PIK3R3: variants seen among roughly 807,000 people sequenced by gnomAD.
PIK3R3 encodes the protein phosphatidylinositol 3-kinase regulatory subunit gamma.
PIK3R3 carries 64 observed loss-of-function variants against 62.9 expected under a neutral mutation model. The ratio of observed to expected loss-of-function variants is 1.02; its 90% confidence interval spans 0.83 to 1.25. The LOEUF is 1.25. PIK3R3 is among the 50% of genes most tolerant of loss of function. The pLI is 0.00. For synonymous variants in PIK3R3, 165 were observed against 189.0 expected (o/e 0.87, Z 1.04); for missense variants, 614 against 561.6 (o/e 1.09, Z -0.94).
At position 46,066,193 on chromosome 1, in the gene PIK3R3, G is replaced by A. The variant is rs372592067; in HGVS notation, c.496-14C>T. 6 of 1,514,946 alleles carry A rather than the reference G, an allele frequency of 4.0e-6. No individual in the cohort carries two copies. In the Admixed American group the frequency reaches 5.8e-5, roughly 15 times the overall value. The allele number at this position is 1,514,946 out of a possible 1,614,324, so 93.8% of individuals were successfully genotyped here. On this transcript the variant is annotated splice_polypyrimidine_tract_variant and intron_variant, in intron 4 of 9. Transcript: ENST00000262741. ...TACCAACTGATCCTATACAGGTAAA[G>A]AAAAAAATAAAGAATGTTAACAATT...
At chr1:46,043,986 A>C in intron 9 of PIK3R3, 115 bp from the exon 10 acceptor site, 1 of 912,532 alleles carries the variant, frequency 1.1e-6, no homozygotes. Context: ...TTTGTTAACC[A>C]GGCAAAGCTT....
chr1:46,088,667 G>A (rs917371683), intron 1 of PIK3R3, among the ~76,000 whole-genome samples: 2 of 152,072 alleles, frequency 1.3e-5, no homozygotes, highest in African/African-American at 4.8e-5. Context: ...AGAAGATCCA[G>A]CATCAAACTA....
intron 8 of PIK3R3, 135 bp downstream of exon 8, chr1:46,046,416 T>C (rs1287413681): frequency 1.5e-6 from 1 of 684,822 alleles, no homozygotes; most frequent in Non-Finnish European, 2.5e-6. Flanking sequence ...GGCAATTCAA[T>C]TCAAAAGATA....
chr1:46,160,174 A>G, the PIK3R3 span, among the ~76,000 whole-genome samples: 1 of 152,214 alleles, frequency 6.6e-6, no homozygotes, highest in Non-Finnish European at 1.5e-5. Flanking sequence ...ATGAGAAAAC[A>G]AAAACCAAAA....
intron 5 of PIK3R3, among the ~76,000 whole-genome samples, chr1:46,065,631 C>A (rs537591322): frequency 6.6e-6 from 1 of 152,296 alleles, no homozygotes; most frequent in East Asian, 1.9e-4. Flanking sequence ...AGATAGAGAA[C>A]CTTCCTTTCT....
intron 6 of PIK3R3, chr1:46,057,119 T>C (rs1647996406): frequency 6.6e-6 from 1 of 152,314 alleles, no homozygotes. Flanking sequence ...CATACTGTTC[T>C]CGTGGTAGTG....
the PIK3R3 span, among the ~76,000 whole-genome samples, chr1:46,167,967 C>T: frequency 4.6e-5 from 7 of 152,062 alleles, no homozygotes; most frequent in Non-Finnish European, 1.0e-4. Flanking sequence ...ACCAGCCTGG[C>T]CAACATGGTG....
chr1:46,104,589 A>G (rs1653008263), intron 1 of PIK3R3, among the ~76,000 whole-genome samples: 1 of 152,174 alleles, frequency 6.6e-6, no homozygotes, highest in Admixed American at 6.6e-5. Flanking sequence ...CAGCAGTTGC[A>G]TTACCACAGT....
At chr1:46,137,121 A>G (rs954089472), upstream of PIK3R3, among the ~76,000 whole-genome samples, 5 of 152,186 alleles carry the variant, frequency 3.3e-5, no homozygotes, top group Non-Finnish European at 7.3e-5. Context: ...CACTAGTAGC[A>G]GAGTCAGGAT....
At chr1:46,076,300 T>C (rs997816810) in intron 3 of PIK3R3, among the ~76,000 whole-genome samples, 16 of 152,198 alleles carry the variant, frequency 1.1e-4, no homozygotes, top group African/African-American at 3.6e-4. Flanking sequence ...ACTTAAAATT[T>C]AGATATTGAG....
chr1:46,091,229 C>A (rs1344060164), intron 1 of PIK3R3, among the ~76,000 whole-genome samples: 1 of 151,520 alleles, frequency 6.6e-6, no homozygotes, highest in East Asian at 1.9e-4. Flanking sequence ...CAACCTCCAC[C>A]TCCCGGATTC....
chr1:46,147,765 G>C, the PIK3R3 span, among the ~76,000 whole-genome samples: 1 of 152,048 alleles, frequency 6.6e-6, no homozygotes, highest in Admixed American at 6.6e-5. Flanking sequence ...CTCACTATCA[G>C]ACAGATTTGT....
intron 6 of PIK3R3, among the ~76,000 whole-genome samples, chr1:46,058,531 C>G (rs557618534): frequency 7.1e-4 from 108 of 152,376 alleles, no homozygotes; most frequent in African/African-American, 2.6e-3. Context: ...AGGGGCGGAG[C>G]TGCCCCAGAC....
intron 1 of PIK3R3, among the ~76,000 whole-genome samples, chr1:46,129,369 G>A (rs1188758852): frequency 6.6e-6 from 1 of 151,522 alleles, no homozygotes; most frequent in African/African-American, 2.4e-5. Flanking sequence ...AAAATTAGAG[G>A]GACTTATATG....
At chr1:46,075,564 G>T (rs1424539633) in intron 3 of PIK3R3, among the ~76,000 whole-genome samples, 1 of 152,044 alleles carries the variant, frequency 6.6e-6, no homozygotes, top group Non-Finnish European at 1.5e-5. Flanking sequence ...TAAGGTTGCA[G>T]TGAGCCATGA....
At chr1:46,058,826 T>C (rs563949800) in intron 6 of PIK3R3, among the ~76,000 whole-genome samples, 3 of 152,330 alleles carry the variant, frequency 2.0e-5, no homozygotes, top group African/African-American at 7.2e-5. Context: ...TGTGGACTTT[T>C]GAGTTAATGC....
At chr1:46,170,417 G>A in the PIK3R3 span, among the ~76,000 whole-genome samples, 2 of 152,034 alleles carry the variant, frequency 1.3e-5, no homozygotes, top group South Asian at 2.1e-4. Context: ...TTTGGTGTTT[G>A]TTTGTTTGTT....
At chr1:46,103,844 T>C (rs1253096084) in intron 1 of PIK3R3, among the ~76,000 whole-genome samples, 1 of 151,944 alleles carries the variant, frequency 6.6e-6, no homozygotes. Context: ...TCCACCTGCC[T>C]CGGCCTCCCA....
chr1:46,151,997 T>C, the PIK3R3 span, among the ~76,000 whole-genome samples: 1 of 152,222 alleles, frequency 6.6e-6, no homozygotes, highest in Admixed American at 6.5e-5. Context: ...AGTCTTATCC[T>C]GGAACAGCAC....
Sources: gnomAD v4.1 joint callset for allele counts (sites outside exome capture counted in the v4.1 genomes callset) on GRCh38, gnomAD v4.1.1 for gene constraint, MANE v1.5 for transcripts, NCBI Gene and HGNC (gene_info 2026-07-23, HGNC 2026-07-21) for gene names.